DLGAP2: variants seen among roughly 807,000 people sequenced by gnomAD.
DLGAP2 encodes disks large-associated protein 2.
A neutral mutation model predicts 100.3 loss-of-function variants in DLGAP2; 26 were observed. The observed-to-expected ratio is 0.26, with a 90% CI of 0.19 to 0.36. The LOEUF is 0.36. DLGAP2 is among the 10% of genes least tolerant of loss of function. DLGAP2 has a pLI of 1.00. For synonymous variants in DLGAP2, 886 were observed against 630.1 expected (o/e 1.41, Z -6.08); for missense variants, 1,858 against 1,453.2 (o/e 1.28, Z -4.53).
chr8:1,319,957 A>C (rs754500486), intron 3 of DLGAP2, among the ~76,000 whole-genome samples: 2 of 152,166 alleles, frequency 1.3e-5, no homozygotes, highest in Non-Finnish European at 2.9e-5. Flanking sequence ...GCTTTAACCC[A>C]GATGCTGGTG....
chr8:1,558,520 C>T (rs1451576334), intron 5 of DLGAP2, among the ~76,000 whole-genome samples: 1 of 152,112 alleles, frequency 6.6e-6, no homozygotes, highest in Admixed American at 6.5e-5. Context: ...GGCATGCATG[C>T]ACACCCATAT....
chr8:787,461 C>T (rs1455752709), intron 1 of DLGAP2, among the ~76,000 whole-genome samples: 8 of 152,228 alleles, frequency 5.3e-5, no homozygotes, highest in Admixed American at 3.3e-4. Flanking sequence ...CCCTTCTCCA[C>T]GCCTGTGCCT....
chr8:1,425,631 C>G (rs1358073044), intron 3 of DLGAP2, among the ~76,000 whole-genome samples: 1 of 152,196 alleles, frequency 6.6e-6, no homozygotes, highest in Admixed American at 6.5e-5. Context: ...ACATGGTCTT[C>G]CACAAGCCTA....
intron 4 of DLGAP2, among the ~76,000 whole-genome samples, chr8:1,518,746 A>G (rs1800483616): frequency 6.6e-6 from 1 of 152,172 alleles, no homozygotes; most frequent in African/African-American, 2.4e-5. Flanking sequence ...ATAATATATA[A>G]ATTGTACAGT....
At chr8:1,468,195 G>T (rs763151629) in intron 3 of DLGAP2, among the ~76,000 whole-genome samples, 1 of 151,986 alleles carries the variant, frequency 6.6e-6, no homozygotes. Context: ...TTCACACAGC[G>T]TGGATCCGGG....
chr8:1,162,606 G>A (rs924640545), intron 2 of DLGAP2, among the ~76,000 whole-genome samples: 12 of 152,194 alleles, frequency 7.9e-5, no homozygotes, highest in Admixed American at 2.0e-4. Context: ...CAATGTGAGC[G>A]TGCATAGCTT....
intron 2 of DLGAP2, among the ~76,000 whole-genome samples, chr8:1,174,947 A>G (rs2116687852): frequency 7.3e-6 from 1 of 136,374 alleles, no homozygotes; most frequent in East Asian, 2.1e-4. Flanking sequence ...TCTTATGATG[A>G]TAAGAAAATT....
intron 3 of DLGAP2, among the ~76,000 whole-genome samples, chr8:1,332,097 C>A (rs1322614758): frequency 1.3e-5 from 2 of 152,224 alleles, no homozygotes; most frequent in African/African-American, 4.8e-5. Context: ...AGCCCATCCC[C>A]AACAGCCACC....
At chr8:1,603,484 A>AG (rs563004509) in intron 6 of DLGAP2, among the ~76,000 whole-genome samples, 82 of 148,044 alleles carry the variant, frequency 5.5e-4, no homozygotes, top group African/African-American at 1.9e-3. Flanking sequence ...GGCTGGTTAG[A>AG]GTGGAGGATG....
rs142576320 is a variant in DLGAP2 at position 1,658,378 on chromosome 8, G to A, written c.1811-9951G>A. On this transcript the variant is annotated intron_variant, in intron 8 of 14. Coordinates refer to ENST00000637795, the MANE Select transcript of DLGAP2 (RefSeq NM_001346810.2). ...GCAGCTTTCCCTTAAAGAAGAAACG[G>A]TTTAGGGGCTACTTTTTTATATATA... Among the ~76,000 whole-genome samples, 548 of 152,244 alleles carry A rather than the reference G, an allele frequency of 3.6e-3. 6 individuals carry two copies. The highest frequency in any genetic ancestry group is 0.02 in the Middle Eastern group (6 of 294).
At chr8:1,430,786 C>G (rs1372082166) in intron 3 of DLGAP2, among the ~76,000 whole-genome samples, 1 of 152,188 alleles carries the variant, frequency 6.6e-6, no homozygotes, top group Non-Finnish European at 1.5e-5. Context: ...GTTATTGAAA[C>G]ATCCTTTGTT....
intron 2 of DLGAP2, among the ~76,000 whole-genome samples, chr8:1,042,094 C>T (rs1461943535): frequency 6.6e-6 from 1 of 152,194 alleles, no homozygotes; most frequent in Non-Finnish European, 1.5e-5. Flanking sequence ...CTGCAAACCC[C>T]AACACAGACA....
chr8:1,022,917 CT>C (rs1801670747), intron 2 of DLGAP2, among the ~76,000 whole-genome samples: 1 of 152,224 alleles, frequency 6.6e-6, no homozygotes, highest in South Asian at 2.1e-4. Context: ...TTTAGAAACA[CT>C]GGTGGATTTA....
chr8:1,028,730 A>G (rs1056960635), intron 2 of DLGAP2, among the ~76,000 whole-genome samples: 6 of 152,206 alleles, frequency 3.9e-5, no homozygotes, highest in Non-Finnish European at 8.8e-5. Flanking sequence ...GCTACTGTCA[A>G]CCATGGCGGG....
At chr8:1,585,511 C>T (rs1391027207) in intron 6 of DLGAP2, among the ~76,000 whole-genome samples, 3 of 152,202 alleles carry the variant, frequency 2.0e-5, no homozygotes, top group Non-Finnish European at 4.4e-5. Flanking sequence ...TGAGTGCTGT[C>T]TTTTACCATC....
intron 2 of DLGAP2, among the ~76,000 whole-genome samples, chr8:1,226,832 C>T (rs1798425917): frequency 6.6e-6 from 1 of 151,894 alleles, no homozygotes. Context: ...CTCATGCCCA[C>T]CAAATAGCAT....
intron 2 of DLGAP2, among the ~76,000 whole-genome samples, chr8:1,216,909 G>T (rs114074878): frequency 6.6e-6 from 1 of 152,148 alleles, no homozygotes; most frequent in Non-Finnish European, 1.5e-5. Context: ...CACAGGTACT[G>T]TTTCTCATTT....
At chr8:1,261,075 C>G (rs373784127) in intron 3 of DLGAP2, among the ~76,000 whole-genome samples, 1 of 152,024 alleles carries the variant, frequency 6.6e-6, no homozygotes, top group African/African-American at 2.4e-5. Context: ...GCTTCCAGAT[C>G]TTTAAAACGA....
At chr8:1,066,384 G>A (rs1803252122) in intron 2 of DLGAP2, among the ~76,000 whole-genome samples, 3 of 149,436 alleles carry the variant, frequency 2.0e-5, no homozygotes, top group Admixed American at 6.6e-5. Flanking sequence ...TCCCCACCAG[G>A]ATCAGGTCTG....
Sources: allele counts gnomAD v4.1 joint callset (sites outside exome capture counted in the v4.1 genomes callset), GRCh38; gene constraint gnomAD v4.1.1; transcripts MANE v1.5; gene names NCBI Gene and HGNC (gene_info 2026-07-23, HGNC 2026-07-21).